The following F5 variants were observed in gnomAD, a reference collection of about 807,000 sequenced individuals.
F5 encodes coagulation factor V, also known as activated protein c cofactor.
Under a neutral mutation model 216.4 loss-of-function variants are expected in F5, and 138 were observed. That is an observed-to-expected ratio of 0.64 (90% confidence interval 0.56 to 0.73). The LOEUF (loss-of-function observed/expected upper bound fraction) is 0.73, where lower values mean the gene tolerates loss of function less well. Among genes scored for constraint, F5 ranks in the 30% least tolerant of loss-of-function variants. F5 has a pLI of 0.00. For missense variants in F5, 2,403 were observed against 2,674.0 expected (o/e 0.90, Z 2.24); for synonymous variants, 916 against 930.7 (o/e 0.98, Z 0.29).
rs115191744 is a variant in F5 at position 169,524,994 on chromosome 1, C to A, written c.5717-86G>T. Reference sequence around the variant, plus strand: ...AACTCCATGGTTAGGGATTATGTTTCTGACTCAATAATTAGATATTTTTAC... The same window carrying A: ...AACTCCATGGTTAGGGATTATGTTTATGACTCAATAATTAGATATTTTTAC... On this transcript the variant is annotated intron_variant, in intron 18 of 24. Transcript: ENST00000367797. The A allele has an allele frequency of 1.5e-3, 1,640 of 1,059,738 alleles. 18 individuals are homozygous for A. The African/African-American group carries it at 0.023, about 15-fold the overall frequency. The allele number at this position is 1,059,738 out of a possible 1,614,324, so 65.6% of individuals were successfully genotyped here.
At chr1:169,523,664 A>T in intron 20 of F5, 137 bp downstream of exon 20, 1 of 855,290 alleles carries the variant, frequency 1.2e-6, no homozygotes, top group Non-Finnish European at 1.9e-6. Flanking sequence ...GATATAAAGT[A>T]CTTAGAACAG....
At chr1:169,572,160 G>A (rs1660739088) in intron 3 of F5, 61 bp downstream of exon 3, 9 of 1,532,200 alleles carry the variant, frequency 5.9e-6, no homozygotes, top group Non-Finnish European at 8.1e-6. Context: ...TTTAAATGTT[G>A]ATGCTGGTAT....
intron 3 of F5, 107 bp downstream of exon 3, chr1:169,572,114 G>C (rs1660737774): frequency 2.5e-6 from 3 of 1,216,046 alleles, no homozygotes; most frequent in African/African-American, 1.5e-5. Context: ...CCAGTTGCAA[G>C]AGATTTCCCT....
intron 2 of F5, among the ~76,000 whole-genome samples, chr1:169,573,441 C>A (rs1190948616): frequency 1.3e-5 from 2 of 152,074 alleles, no homozygotes; most frequent in Non-Finnish European, 2.9e-5. Flanking sequence ...GTGTACTGGG[C>A]CAGCACATGT....
chr1:169,520,725 A>G, intron 21 of F5, 61 bp from the exon 22 acceptor site: 1 of 1,413,842 alleles, frequency 7.1e-7, no homozygotes, highest in Non-Finnish European at 9.9e-7. Context: ...CTTTATATTA[A>G]AATTTTGATC....
chr1:169,545,808 G>A (rs1455859003), intron 11 of F5, among the ~76,000 whole-genome samples: 1 of 152,192 alleles, frequency 6.6e-6, no homozygotes, highest in African/African-American at 2.4e-5. Context: ...GGGGACCCTG[G>A]CTGTTGTGGA....
At chr1:169,550,269 A>C (rs1358047832) in intron 9 of F5, among the ~76,000 whole-genome samples, 5 of 81,486 alleles carry the variant, frequency 6.1e-5, no homozygotes, top group East Asian at 8.4e-4. Flanking sequence ...TCCTAATGCT[A>C]TCCCTCCCCC....
At position 169,536,673 on chromosome 1, in the gene F5, C is replaced by G. The variant is rs1240931603; in HGVS notation, c.4804G>C (p.Asp1602His). The G allele has an allele frequency of 6.2e-7, 1 of 1,608,442 alleles. No homozygotes were observed. The highest frequency in any genetic ancestry group is 1.1e-5 in the South Asian group (1 of 90,984). Reference sequence around the variant, plus strand: ...GGAATATCATCAGAGTCTTCAATATCTGTTTCCCTGAAATAATAATACTAT... The same window carrying G: ...GGAATATCATCAGAGTCTTCAATATGTGTTTCCCTGAAATAATAATACTAT... The part of the protein sequence containing the change: ...DYSEFVQRET[D>H]IEDSDDIPED... Residue 1602 changes from aspartate (D) to histidine (H), a missense_variant, in exon 14 of 25, where the codon GAT becomes CAT. By Grantham distance (81) the Asp-to-His change is moderately conservative. This residue lies in a region of F5 where 659 missense variants were observed against 787.9 expected (regional missense o/e 0.84). Transcript: ENST00000367797.
chr1:169,548,147 A>G (rs12044669), intron 10 of F5, among the ~76,000 whole-genome samples: 18,836 of 152,110 alleles, frequency 0.12, 2,977 homozygotes, highest in East Asian at 0.64. Flanking sequence ...TTATGAGAAC[A>G]CATGGACACA....
rs563317147 is a variant in F5 at position 169,558,539 on chromosome 1, A to T, written c.730+614T>A. Among the ~76,000 whole-genome samples the T allele has an allele frequency of 5.3e-5, 8 of 152,310 alleles. No individual in the cohort carries two copies. In the East Asian group the frequency reaches 1.5e-3, roughly 29 times the overall value. Reference sequence around the variant, plus strand: ...TTTTTTAATGTTTTTCCCTCAGGCTAGTATCATATACCCTGGATCTTTAGT... The same window carrying T: ...TTTTTTAATGTTTTTCCCTCAGGCTTGTATCATATACCCTGGATCTTTAGT... On this transcript the variant is annotated intron_variant, in intron 5 of 24. Transcript: ENST00000367797.
chr1:169,520,703 T>C (rs1335471688), intron 21 of F5, 39 bp from the exon 22 acceptor site: 5 of 1,562,224 alleles, frequency 3.2e-6, no homozygotes, highest in Non-Finnish European at 4.4e-6. Flanking sequence ...GTAACAATGA[T>C]CTATAAAGTG....
At chr1:169,566,459 T>C (rs1660602603) in intron 3 of F5, among the ~76,000 whole-genome samples, 1 of 152,098 alleles carries the variant, frequency 6.6e-6, no homozygotes, top group African/African-American at 2.4e-5. Context: ...TACACCCTTC[T>C]TGATCTCTGA....
intron 15 of F5, 107 bp downstream of exon 15, chr1:169,530,679 A>G (rs1483483609): frequency 9.5e-7 from 1 of 1,052,442 alleles, no homozygotes; most frequent in African/African-American, 1.6e-5. Context: ...ATTCCTCATG[A>G]AAAGCAAGAC....
chr1:169,547,797 C>T (rs2101823824), intron 10 of F5, among the ~76,000 whole-genome samples: 1 of 152,162 alleles, frequency 6.6e-6, no homozygotes, highest in East Asian at 1.9e-4. Flanking sequence ...CCTCAAAGAC[C>T]TAAAGTCAGA....
chr1:169,524,980 T>G, intron 18 of F5, 72 bp from the exon 19 acceptor site: 6 of 1,176,516 alleles, frequency 5.1e-6, no homozygotes, highest in Non-Finnish European at 7.5e-6. Context: ...ACTCCATGGT[T>G]AGGGATTATG....
intron 15 of F5, 23 bp from the exon 16 acceptor site, chr1:169,529,841 A>G (rs747644292): frequency 1.3e-6 from 2 of 1,590,676 alleles, no homozygotes; most frequent in Non-Finnish European, 1.7e-6. Flanking sequence ...AGTAAATTGT[A>G]TTGCCTCTTT....
rs545681641 is a variant in F5 at position 169,572,269 on chromosome 1, G to T, written c.325C>A (p.Pro109Thr). Residue 109 changes from proline to threonine, a missense_variant, in exon 3 of 25, where the codon CCC (proline) becomes ACC (threonine). Transcript: ENST00000367797. The part of the protein sequence containing the change: ...KVHFKNKADK[P>T]LSIHPQGIRY... Reference sequence around the variant, plus strand: ...ATTCCTTGAGGATGGATGCTCAAGGGCTTATCTGCCTTATTTTTAAAGTGA... The same window carrying T: ...ATTCCTTGAGGATGGATGCTCAAGGTCTTATCTGCCTTATTTTTAAAGTGA... The T allele has an allele frequency of 3.1e-6, 5 of 1,612,874 alleles. No individual in the cohort carries two copies. The highest frequency in any genetic ancestry group is 4.2e-6 in the Non-Finnish European group (5 of 1,179,464).
Position 169,540,786 on chromosome 1 carries a change from T to G in F5, c.4304A>C (p.Gln1435Pro). Residue 1435 changes from glutamine (Q) to proline (P), a missense_variant, in exon 13 of 25, where the codon CAG becomes CCG. Around this residue, in one of 4 missense-constraint regions of F5, gnomAD observed 293 missense variants for 270.8 expected, o/e 1.08. Coordinates refer to ENST00000367797, the MANE Select transcript of F5 (RefSeq NM_000130.5). ...GQMSLSPDLSQVTLSPDISDT... is the reference protein window; with the variant it reads ...GQMSLSPDLSPVTLSPDISDT... ...ACTGATGTCTGGAGAGAGAGTCACC[T>G]GGCTGAGGTCTGGGGAAAGGGACAT... The G allele has an allele frequency of 6.2e-7, 1 of 1,614,070 alleles. No individual in the cohort carries two copies. Among genetic ancestry groups the G allele is most frequent in the Non-Finnish European group, 8.5e-7 (1 of 1,179,996 alleles).
At chr1:169,549,727 G>T (rs558404450) in intron 10 of F5, 74 bp downstream of exon 10, 3 of 1,084,162 alleles carry the variant, frequency 2.8e-6, no homozygotes, top group South Asian at 1.3e-5. Flanking sequence ...CCATTATTTA[G>T]CCAGGAGACC....
Sources: allele counts gnomAD v4.1 joint callset (sites outside exome capture counted in the v4.1 genomes callset), GRCh38; gene constraint gnomAD v4.1.1; regional missense constraint gnomAD v4.1.1; transcripts MANE v1.5; gene names NCBI Gene and HGNC (gene_info 2026-07-23, HGNC 2026-07-21).